The following GPC5 variants were observed in gnomAD, a reference collection of about 807,000 sequenced individuals.
GPC5 encodes glypican-5.
In GPC5, 47 loss-of-function variants were observed where a neutral mutation model predicts 53.9. That is an observed-to-expected ratio of 0.87 (90% CI 0.69 to 1.11). The LOEUF (loss-of-function observed/expected upper bound fraction) is 1.11, where lower values mean the gene tolerates loss of function less well. Among genes scored for constraint, GPC5 ranks in the 50% most tolerant of loss-of-function variants. GPC5 has a pLI of 0.00. For missense variants in GPC5, 748 were observed against 713.1 expected, an observed-to-expected ratio of 1.05 and a Z score of -0.56; for synonymous variants, 286 against 263.3, an observed-to-expected ratio of 1.09 and a Z score of -0.84.
intron 2 of GPC5, among the ~76,000 whole-genome samples, chr13:91,536,133 G>T (rs1034927841): frequency 1.3e-5 from 2 of 151,912 alleles, no homozygotes; most frequent in African/African-American, 4.8e-5. Flanking sequence ...TGATAAATTT[G>T]TTTTGCATAT....
At chr13:92,495,447 A>T (rs533305001) in intron 7 of GPC5, among the ~76,000 whole-genome samples, 1 of 152,242 alleles carries the variant, frequency 6.6e-6, no homozygotes, top group East Asian at 1.9e-4. Flanking sequence ...TTGATTGACT[A>T]TATTTTTATC....
chr13:91,747,311 G>C (rs994766430), intron 4 of GPC5, among the ~76,000 whole-genome samples: 2 of 152,130 alleles, frequency 1.3e-5, no homozygotes, highest in Non-Finnish European at 2.9e-5. Flanking sequence ...TGTACCACGT[G>C]ATGTATCAGG....
chr13:91,701,927 TC>T (rs1439537944), intron 3 of GPC5, among the ~76,000 whole-genome samples: 1 of 152,132 alleles, frequency 6.6e-6, no homozygotes, highest in South Asian at 2.1e-4. Context: ...CATACAAGTT[TC>T]CCCCTTTCTC....
intron 5 of GPC5, among the ~76,000 whole-genome samples, chr13:91,884,091 CA>C (rs1335835787): frequency 6.6e-6 from 1 of 152,008 alleles, no homozygotes; most frequent in Non-Finnish European, 1.5e-5. Context: ...ACTAAAAAGT[CA>C]AAAAATAACA....
intron 7 of GPC5, among the ~76,000 whole-genome samples, chr13:92,286,157 A>G (rs1248617727): frequency 1.3e-5 from 2 of 152,220 alleles, no homozygotes; most frequent in Non-Finnish European, 2.9e-5. Flanking sequence ...ACTGGCCATC[A>G]GAGAAATGCA....
intron 5 of GPC5, among the ~76,000 whole-genome samples, chr13:91,858,195 T>C (rs77569198): frequency 0.023 from 3,426 of 151,822 alleles, 66 homozygotes; most frequent in Middle Eastern, 0.034. Context: ...TTAGGACTTC[T>C]AGTACTATGT....
chr13:92,646,930 ATGTGTG>A (rs753380099), intron 7 of GPC5, among the ~76,000 whole-genome samples: 26 of 146,504 alleles, frequency 1.8e-4, no homozygotes, highest in African/African-American at 5.9e-4. Flanking sequence ...ATATATAAAC[ATGTGTG>A]TGTGTGTGTG....
At chr13:91,686,397 CCACT>C in intron 2 of GPC5, among the ~76,000 whole-genome samples, 1 of 151,826 alleles carries the variant, frequency 6.6e-6, no homozygotes, top group African/African-American at 2.4e-5. Flanking sequence ...GATTAATATC[CCACT>C]CACTATTTAT....
At chr13:92,654,722 T>C (rs1311593056) in intron 7 of GPC5, among the ~76,000 whole-genome samples, 1 of 150,880 alleles carries the variant, frequency 6.6e-6, no homozygotes, top group Non-Finnish European at 1.5e-5. Context: ...AATTTTATTT[T>C]TATACTCAAC....
chr13:91,688,370 G>GT (rs1173124297), intron 2 of GPC5, among the ~76,000 whole-genome samples: 1 of 152,008 alleles, frequency 6.6e-6, no homozygotes, highest in Non-Finnish European at 1.5e-5. Flanking sequence ...ATAGTTTACA[G>GT]TTTTTTATTG....
chr13:92,182,659 G>A (rs1341906775), intron 7 of GPC5, among the ~76,000 whole-genome samples: 4 of 152,122 alleles, frequency 2.6e-5, no homozygotes, highest in Non-Finnish European at 4.4e-5. Context: ...GAGGTCAGGA[G>A]ATCGAGACCA....
chr13:92,394,892 T>G (rs1875188800), intron 7 of GPC5, among the ~76,000 whole-genome samples: 1 of 152,186 alleles, frequency 6.6e-6, no homozygotes, highest in Admixed American at 6.5e-5. Context: ...TCTAAAAAAG[T>G]AGACAAATGT....
chr13:92,763,661 T>A (rs1220442973), intron 7 of GPC5, among the ~76,000 whole-genome samples: 1 of 152,074 alleles, frequency 6.6e-6, no homozygotes, highest in Non-Finnish European at 1.5e-5. Context: ...CTGGGTCTTG[T>A]GGTGCAGCTT....
intron 5 of GPC5, among the ~76,000 whole-genome samples, chr13:91,878,966 T>G (rs2039234702): frequency 6.6e-6 from 1 of 152,166 alleles, no homozygotes; most frequent in African/African-American, 2.4e-5. Context: ...CTAAGATTTC[T>G]CTCTATAATC....
chr13:91,772,681 C>T (rs148642370), intron 5 of GPC5, among the ~76,000 whole-genome samples: 16 of 152,184 alleles, frequency 1.1e-4, no homozygotes, highest in African/African-American at 2.6e-4. Context: ...GCGACACTCC[C>T]GAAGGAGACA....
At chr13:92,327,413 C>T (rs935489002) in intron 7 of GPC5, among the ~76,000 whole-genome samples, 2 of 152,072 alleles carry the variant, frequency 1.3e-5, no homozygotes, top group African/African-American at 2.4e-5. Flanking sequence ...TTGTCTAGTT[C>T]AGGAAATTAG....
chr13:92,640,323 G>A (rs2139148133), intron 7 of GPC5, among the ~76,000 whole-genome samples: 1 of 152,110 alleles, frequency 6.6e-6, no homozygotes, highest in Non-Finnish European at 1.5e-5. Context: ...GTAGTGGCGC[G>A]ATCTCGGCTC....
At chr13:92,772,749 A>C (rs533030481) in intron 7 of GPC5, among the ~76,000 whole-genome samples, 1 of 152,330 alleles carries the variant, frequency 6.6e-6, no homozygotes, top group South Asian at 2.1e-4. Flanking sequence ...AGTGATACAC[A>C]GTAAGCAGTA....
intron 6 of GPC5, among the ~76,000 whole-genome samples, chr13:91,958,296 T>A: frequency 6.6e-6 from 1 of 151,300 alleles, no homozygotes. Context: ...AAAAAGGTCA[T>A]TATATAATGA....
Sources: gnomAD v4.1 joint callset for allele counts (sites outside exome capture counted in the v4.1 genomes callset) on GRCh38, gnomAD v4.1.1 for gene constraint, MANE v1.5 for transcripts, NCBI Gene and HGNC (gene_info 2026-07-23, HGNC 2026-07-21) for gene names.